DNAH6: variants seen among roughly 807,000 people sequenced by gnomAD.
DNAH6 encodes dynein axonemal heavy chain 6.
DNAH6 carries 340 observed loss-of-function variants against 491.4 expected under a neutral mutation model. The observed-to-expected ratio is 0.69, with a 90% confidence interval of 0.63 to 0.76. The LOEUF is 0.76. DNAH6 is among the 30% of genes least tolerant of loss of function. The pLI, the probability that DNAH6 is intolerant of heterozygous loss-of-function variation, is 0.00. For synonymous variants in DNAH6, 1,603 were observed against 1,686.1 expected, an observed-to-expected ratio of 0.95 and a Z score of 1.21; for missense variants, 4,443 against 4,972.2, an observed-to-expected ratio of 0.89 and a Z score of 3.20.
intron 4 of DNAH6, among the ~76,000 whole-genome samples, chr2:84,531,840 A>G (rs983927255): frequency 9.2e-5 from 14 of 152,138 alleles, no homozygotes; most frequent in African/African-American, 2.9e-4. Flanking sequence ...AATTAAAAAA[A>G]ACCCTTAATA....
chr2:84,703,282 GATTTAACAATTCT>G, intron 49 of DNAH6, 100 bp from the exon 50 acceptor site: 1 of 769,724 alleles, frequency 1.3e-6, no homozygotes, highest in Non-Finnish European at 1.9e-6. Context: ...ATTACAAACT[GATTTAACAATTCT>G]GTAGACGTAA....
rs543133441 is a variant in DNAH6 at position 84,653,704 on chromosome 2, C to T, written c.5464C>T (p.Arg1822Ter). Residue 1822 changes from arginine to a stop codon, truncating the protein, a stop_gained, in exon 34 of 77, where the codon CGA becomes TGA. Coordinates refer to ENST00000389394, the MANE Select transcript of DNAH6 (RefSeq NM_001370.2). LOFTEE classifies it high-confidence loss of function. ...WKDGLMALSV[R>*]AAVNDTSEDH... ...AGATGGTTTGATGGCACTAAGTGTC[C>T]GAGCAGCTGTGAATGATACTTCAGA... The T allele has an allele frequency of 7.4e-5, 114 of 1,550,978 alleles. No homozygotes were observed. Among genetic ancestry groups the T allele is most frequent in the Non-Finnish European group, 8.8e-5 (101 of 1,146,676 alleles).
intron 70 of DNAH6, among the ~76,000 whole-genome samples, chr2:84,799,773 G>A (rs573718398): frequency 6.6e-6 from 1 of 152,346 alleles, no homozygotes; most frequent in African/African-American, 2.4e-5. Flanking sequence ...ATGGGGGTGT[G>A]ATGCCAGCCA....
At chr2:84,671,439 A>G (rs1692727347) in intron 39 of DNAH6, among the ~76,000 whole-genome samples, 1 of 152,164 alleles carries the variant, frequency 6.6e-6, no homozygotes, top group Non-Finnish European at 1.5e-5. Context: ...TGCACCAGCC[A>G]GGGCTCAGGC....
rs376843459 is a variant in DNAH6 at position 84,569,601 on chromosome 2, C to A, written c.1804-3866C>A. Among the ~76,000 whole-genome samples, 8 of 151,988 alleles carry A rather than the reference C, an allele frequency of 5.3e-5. No individual in the cohort carries two copies. In the South Asian group the frequency reaches 1.7e-3, roughly 32 times the overall value. On this transcript the variant is annotated intron_variant, in intron 11 of 76. Transcript: ENST00000389394. ...AATGGATGGGGGAAAATAACTAAAC[C>A]AAGTAACTTTTGAGCACAGTATTTT...
At chr2:84,603,596 ACT>A (rs1382349876) in intron 18 of DNAH6, among the ~76,000 whole-genome samples, 1 of 151,508 alleles carries the variant, frequency 6.6e-6, no homozygotes, top group Middle Eastern at 3.4e-3. Context: ...AGGCACTGTA[ACT>A]CTTTTTCTCA....
chr2:84,590,419 C>A (rs1683999601), intron 16 of DNAH6, among the ~76,000 whole-genome samples: 1 of 145,610 alleles, frequency 6.9e-6, no homozygotes. Context: ...CACTTGATCC[C>A]AGGAGGTGGA....
chr2:84,525,546 GTC>G lies in DNAH6; in HGVS notation c.226-13_226-12del, dbSNP rs746303234. 15 of 1,528,784 alleles carry G rather than the reference GTC, an allele frequency of 9.8e-6. No individual in the cohort carries two copies. The highest frequency in any genetic ancestry group is 1.4e-5 in the African/African-American group (1 of 71,298). The allele number at this position is 1,528,784 out of a possible 1,614,324, so 94.7% of individuals were successfully genotyped here. On this transcript the variant is annotated splice_polypyrimidine_tract_variant and intron_variant, in intron 2 of 76. Transcript: ENST00000389394. The stretch of plus-strand genomic sequence containing the variant: ...TACGAATGTTAATAAAAATTAACAT[GTC>G]TCTCTATTTCCCAAAGCCAGTGCTA...
At chr2:84,643,480 T>C (rs1689612364) in intron 33 of DNAH6, among the ~76,000 whole-genome samples, 3 of 152,144 alleles carry the variant, frequency 2.0e-5, no homozygotes, top group South Asian at 4.1e-4. Flanking sequence ...CTCCCTCTCT[T>C]ACCCTCTGGT....
chr2:84,591,510 T>C (rs1684111306), intron 16 of DNAH6, among the ~76,000 whole-genome samples: 1 of 152,190 alleles, frequency 6.6e-6, no homozygotes. Context: ...AAAGACTTAA[T>C]ATTGTTAAAA....
chr2:84,735,983 A>G (rs868163910), intron 62 of DNAH6, among the ~76,000 whole-genome samples: 2 of 152,148 alleles, frequency 1.3e-5, no homozygotes, highest in Admixed American at 6.5e-5. Context: ...GTTTTCTTCT[A>G]GGATTTTCAT....
At chr2:84,733,281 G>A (rs758092828) in intron 61 of DNAH6, among the ~76,000 whole-genome samples, 163 bp from the exon 62 acceptor site, 3 of 152,142 alleles carry the variant, frequency 2.0e-5, no homozygotes, top group Admixed American at 6.5e-5. Context: ...TCCACAATTA[G>A]AATTGATTCA....
chr2:84,634,251 A>G (rs1047168854), intron 29 of DNAH6, among the ~76,000 whole-genome samples: 23 of 152,374 alleles, frequency 1.5e-4, no homozygotes, highest in African/African-American at 5.5e-4. Flanking sequence ...TGGAGGTTAT[A>G]AACAAGAAGG....
intron 40 of DNAH6, among the ~76,000 whole-genome samples, chr2:84,676,416 T>A (rs1693238189): frequency 6.6e-6 from 1 of 152,190 alleles, no homozygotes; most frequent in African/African-American, 2.4e-5. Context: ...TGTGCCTTAC[T>A]GAAAAAAATG....
chr2:84,768,520 A>G (rs1438958476), intron 64 of DNAH6, among the ~76,000 whole-genome samples: 1 of 152,090 alleles, frequency 6.6e-6, no homozygotes, highest in Non-Finnish European at 1.5e-5. Context: ...TGATAAGCAT[A>G]AATAGCATTT....
chr2:84,624,698 A>G (rs1261351283), intron 28 of DNAH6, 78 bp downstream of exon 28: 2 of 1,438,960 alleles, frequency 1.4e-6, no homozygotes, highest in African/African-American at 1.4e-5. Flanking sequence ...TTCATATGAC[A>G]TTAACTCTTG....
chr2:84,608,602 C>T (rs556345678), intron 21 of DNAH6, among the ~76,000 whole-genome samples: 2 of 152,236 alleles, frequency 1.3e-5, no homozygotes, highest in South Asian at 4.1e-4. Flanking sequence ...CAACAGTAGG[C>T]TTAAAATAAT....
Position 84,796,367 on chromosome 2 carries a change from C to G in DNAH6, c.11301C>G (p.Ile3767Met). 11 of 1,523,338 alleles carry G rather than the reference C, an allele frequency of 7.2e-6. No homozygotes were observed. The highest frequency in any genetic ancestry group is 8.9e-6 in the Non-Finnish European group (10 of 1,128,696). The allele number at this position is 1,523,338 out of a possible 1,614,324, so 94.4% of individuals were successfully genotyped here. The change falls in exon 69 of 77, where the codon ATC (isoleucine) becomes ATG (methionine). Residue 3767 changes from isoleucine (I) to methionine (M), a missense_variant. Ile to Met is a conservative substitution (Grantham distance 10, BLOSUM62 1). Around this residue, in one of 3 missense-constraint regions of DNAH6, gnomAD observed 1,463 missense variants for 1,656.6 expected, o/e 0.88. Transcript: ENST00000389394. ...GGGACCAAAGATGCCTTCGTACTATCTTGAAAAGATTTTTTTCTCCTGAAA... is the reference window on the plus strand; with the variant it reads ...GGGACCAAAGATGCCTTCGTACTATGTTGAAAAGATTTTTTTCTCCTGAAA... Reference protein sequence around the residue: ...DSWDQRCLRTILKRFFSPETL... With the variant: ...DSWDQRCLRTMLKRFFSPETL...
rs140295171 is a variant in DNAH6 at position 84,578,963 on chromosome 2, C to T, written c.2077-564C>T. Among the ~76,000 whole-genome samples the T allele has an allele frequency of 1.4e-4, 22 of 152,296 alleles. No homozygotes were observed. In the East Asian group the frequency reaches 4.1e-3, roughly 28 times the overall value. ...TTGTGAAGAAGGTGCCTTGCTTCCC[C>T]CTTCACCTTCTGCCATGATTGTAAG... On this transcript the variant is annotated intron_variant, in intron 13 of 76. Coordinates refer to ENST00000389394, the MANE Select transcript of DNAH6 (RefSeq NM_001370.2).
Sources: allele counts gnomAD v4.1 joint callset (sites outside exome capture counted in the v4.1 genomes callset), GRCh38; gene constraint gnomAD v4.1.1; regional missense constraint gnomAD v4.1.1; transcripts MANE v1.5; gene names NCBI Gene and HGNC (gene_info 2026-07-23, HGNC 2026-07-21).